SPTLC3: variants seen among roughly 807,000 people sequenced by gnomAD.
SPTLC3 encodes the protein serine palmitoyltransferase 3.
A neutral mutation model predicts 59.3 loss-of-function variants in SPTLC3; 36 were observed. The ratio of observed to expected loss-of-function variants is 0.61; its 90% CI spans 0.47 to 0.80. The LOEUF (loss-of-function observed/expected upper bound fraction) is 0.80, where lower values mean the gene tolerates loss of function less well. Ranked by LOEUF, SPTLC3 falls within the 30% of genes least tolerant of loss-of-function variation. The pLI, the probability that SPTLC3 is intolerant of heterozygous loss-of-function variation, is 0.00. For missense variants in SPTLC3, 625 were observed against 685.1 expected (o/e 0.91, Z 0.98); for synonymous variants, 257 against 240.8 (o/e 1.07, Z -0.62).
intron 1 of SPTLC3, among the ~76,000 whole-genome samples, chr20:13,012,047 C>A (rs1985281987): frequency 6.6e-6 from 1 of 152,070 alleles, no homozygotes; most frequent in Non-Finnish European, 1.5e-5. Context: ...CAACTATTAT[C>A]CACATAATTG....
intron 9 of SPTLC3, among the ~76,000 whole-genome samples, chr20:13,149,168 T>C (rs2038585981): frequency 6.6e-6 from 1 of 152,220 alleles, no homozygotes; most frequent in East Asian, 1.9e-4. Context: ...TTTCATTCAC[T>C]TATTTATGTG....
intron 8 of SPTLC3, among the ~76,000 whole-genome samples, chr20:13,125,998 T>C (rs1017340421): frequency 7.2e-5 from 11 of 152,198 alleles, no homozygotes; most frequent in African/African-American, 2.7e-4. Context: ...GTTCAACTTC[T>C]CTCTTCTGCC....
chr20:13,165,063 T>C lies in SPTLC3; in HGVS notation c.*196T>C, dbSNP rs142096985. The C allele has an allele frequency of 3.0e-4, 159 of 533,948 alleles. No homozygotes were observed. In the East Asian group the frequency reaches 4.9e-3, roughly 16 times the overall value. The allele number at this position is 533,948 out of a possible 1,614,324, so 33.1% of individuals were successfully genotyped here. A position where few individuals can be genotyped will look rare whatever the true frequency, so the allele number is the denominator to read the frequency against. On this transcript the variant is annotated 3_prime_UTR_variant, in exon 12 of 12. Coordinates refer to ENST00000399002, the MANE Select transcript of SPTLC3 (RefSeq NM_018327.4). ...GCAGAGACAAAAACATGATTCCAGATTTAAGTCTCTCTTCTTCCAAGTATT... is the reference window on the plus strand; with the variant it reads ...GCAGAGACAAAAACATGATTCCAGACTTAAGTCTCTCTTCTTCCAAGTATT...
chr20:13,104,442 C>G (rs6041862), intron 6 of SPTLC3, among the ~76,000 whole-genome samples: 33 of 151,950 alleles, frequency 2.2e-4, no homozygotes, highest in Non-Finnish European at 4.7e-4. Context: ...TCTGCCATCA[C>G]GTAAGATGTG....
intron 1 of SPTLC3, among the ~76,000 whole-genome samples, chr20:13,012,680 C>T (rs1985317750): frequency 6.6e-6 from 1 of 152,088 alleles, no homozygotes; most frequent in South Asian, 2.1e-4. Context: ...TCAAAACAGC[C>T]CCATGAAGTG....
In SPTLC3 at chr20:13,106,225, AGTCTAC is replaced by A. The variant is rs1188673524; in HGVS notation, c.827-3884_827-3879del. Among the ~76,000 whole-genome samples the A allele has an allele frequency of 2.6e-5, 4 of 152,198 alleles. No individual in the cohort carries two copies. In the East Asian group the frequency reaches 7.7e-4, roughly 29 times the overall value. ...AGTGGCATTTCCTTGCCTGTCTCCTAGTCTACGTTCTTTCTCCAGGAAAAGAACATT... is the reference window on the plus strand; with the variant it reads ...AGTGGCATTTCCTTGCCTGTCTCCTAGTTCTTTCTCCAGGAAAAGAACATT... On this transcript the variant is annotated intron_variant, in intron 6 of 11. Coordinates refer to ENST00000399002, the MANE Select transcript of SPTLC3 (RefSeq NM_018327.4).
chr20:13,154,777 TA>T (rs1375773031), intron 10 of SPTLC3, among the ~76,000 whole-genome samples: 1 of 152,238 alleles, frequency 6.6e-6, no homozygotes, highest in African/African-American at 2.4e-5. Context: ...AACAACTGCA[TA>T]AAGAGGAAAA....
chr20:13,137,321 A>G (rs112880340), intron 9 of SPTLC3, among the ~76,000 whole-genome samples: 1 of 152,178 alleles, frequency 6.6e-6, no homozygotes, highest in African/African-American at 2.4e-5. Flanking sequence ...TGCACGTTAC[A>G]CACTGCCTTT....
intron 1 of SPTLC3, among the ~76,000 whole-genome samples, chr20:13,024,122 C>A (rs752846316): frequency 6.6e-6 from 1 of 152,158 alleles, no homozygotes; most frequent in Non-Finnish European, 1.5e-5. Flanking sequence ...ACAACAACCA[C>A]GTGAGGTTGA....
intron 6 of SPTLC3, among the ~76,000 whole-genome samples, chr20:13,097,334 A>G (rs1321734195): frequency 6.6e-6 from 1 of 152,108 alleles, no homozygotes; most frequent in Non-Finnish European, 1.5e-5. Context: ...TTCAAAAAGC[A>G]ACAAAAGGCA....
In SPTLC3 at chr20:13,072,392, A is replaced by C; in HGVS notation, c.440A>C (p.Asp147Ala). 1 of 1,598,074 alleles carries C rather than the reference A, an allele frequency of 6.3e-7. No homozygotes were observed. ...GATTTGATGGAGAGGGTATCAGACG[A>C]CTATAACTGGACGTTTAGGTGAGAG... is the stretch of plus-strand genomic sequence containing the variant. ...LFDLMERVSD[D>A]YNWTFRFTGR... The change falls in exon 3 of 12, where the codon GAC becomes GCC. Residue 147 changes from aspartate (D) to alanine (A), a missense_variant. Asp to Ala is a moderately radical substitution (Grantham distance 126, BLOSUM62 -2). Transcript: ENST00000399002.
intron 2 of SPTLC3, among the ~76,000 whole-genome samples, chr20:13,056,063 A>G (rs1987709627): frequency 6.6e-6 from 1 of 152,202 alleles, no homozygotes; most frequent in Admixed American, 6.5e-5. Flanking sequence ...GCTCCTAGCA[A>G]CTAGGGGAAT....
intron 2 of SPTLC3, among the ~76,000 whole-genome samples, chr20:13,055,671 A>G (rs1199518929): frequency 6.6e-6 from 1 of 152,184 alleles, no homozygotes; most frequent in Non-Finnish European, 1.5e-5. Flanking sequence ...CTTACATTTT[A>G]TCAGGAAAAA....
intron 8 of SPTLC3, among the ~76,000 whole-genome samples, chr20:13,125,475 T>G (rs2037967641): frequency 6.6e-6 from 1 of 152,236 alleles, no homozygotes; most frequent in African/African-American, 2.4e-5. Context: ...TCGTTTTTGC[T>G]GTGTAACAAA....
chr20:13,150,467 C>T (rs1293436721), intron 9 of SPTLC3, among the ~76,000 whole-genome samples: 1 of 152,144 alleles, frequency 6.6e-6, no homozygotes, highest in Non-Finnish European at 1.5e-5. Context: ...AACTAAGAAA[C>T]CATACTTGGA....
intron 2 of SPTLC3, among the ~76,000 whole-genome samples, chr20:13,070,506 C>T (rs923485546): frequency 6.6e-6 from 1 of 152,122 alleles, no homozygotes; most frequent in African/African-American, 2.4e-5. Flanking sequence ...AAAGGCACTC[C>T]CCATGGTCTC....
intron 6 of SPTLC3, among the ~76,000 whole-genome samples, chr20:13,100,959 AGG>A (rs1989580141): frequency 1.3e-5 from 1 of 75,636 alleles, no homozygotes; most frequent in Non-Finnish European, 3.8e-5. Flanking sequence ...AAGTGATGCC[AGG>A]AAGCACCAGT....
chr20:13,107,893 C>T (rs1315579191), intron 6 of SPTLC3, among the ~76,000 whole-genome samples: 2 of 151,020 alleles, frequency 1.3e-5, no homozygotes, highest in African/African-American at 4.9e-5. Context: ...AGAATTATTC[C>T]CTTAATTCTT....
chr20:13,152,449 A>C (rs2038670365), intron 9 of SPTLC3, among the ~76,000 whole-genome samples: 1 of 152,170 alleles, frequency 6.6e-6, no homozygotes, highest in Non-Finnish European at 1.5e-5. Context: ...ACGTCCAAAA[A>C]AATGGTCTGG....
Sources: gnomAD v4.1 joint callset for allele counts (sites outside exome capture counted in the v4.1 genomes callset) on GRCh38, gnomAD v4.1.1 for gene constraint, MANE v1.5 for transcripts, NCBI Gene and HGNC (gene_info 2026-07-23, HGNC 2026-07-21) for gene names.